The following CHCHD6 variants were observed in gnomAD, a reference collection of about 807,000 sequenced individuals.
CHCHD6 encodes coiled-coil-helix-coiled-coil-helix domain containing 6.
Under a neutral mutation model 32.3 loss-of-function variants are expected in CHCHD6, and 28 were observed. The ratio of observed to expected loss-of-function variants is 0.87; its 90% CI spans 0.64 to 1.19. The LOEUF is 1.19. Ranked by LOEUF, CHCHD6 falls within the 50% of genes most tolerant of loss-of-function variation. The pLI, the probability that CHCHD6 is intolerant of heterozygous loss-of-function variation, is 0.00. For missense variants in CHCHD6, 333 were observed against 307.0 expected, an observed-to-expected ratio of 1.08 and a Z score of -0.63; for synonymous variants, 122 against 117.5, an observed-to-expected ratio of 1.04 and a Z score of -0.25.
intron 6 of CHCHD6, 57 bp from the exon 7 acceptor site, chr3:126,957,359 C>G: frequency 1.3e-6 from 2 of 1,583,262 alleles, no homozygotes; most frequent in Non-Finnish European, 1.7e-6. Flanking sequence ...TGAGTTGTTT[C>G]TCTCCCCTGC....
intron 5 of CHCHD6, among the ~76,000 whole-genome samples, chr3:126,895,402 G>A (rs1010620475): frequency 1.9e-4 from 29 of 152,322 alleles, no homozygotes; most frequent in African/African-American, 6.5e-4. Flanking sequence ...CAGCAGCAGC[G>A]TCTGTGTCCA....
intron 5 of CHCHD6, among the ~76,000 whole-genome samples, chr3:126,876,629 T>C (rs2077542575): frequency 6.6e-6 from 1 of 152,250 alleles, no homozygotes; most frequent in Non-Finnish European, 1.5e-5. Context: ...AAATGTGTTA[T>C]CATTATCTCC....
Position 126,946,571 on chromosome 3 carries a change from C to T in CHCHD6, c.567-10845C>T, listed in dbSNP as rs951404730. On this transcript the variant is annotated intron_variant, in intron 6 of 7. Coordinates refer to ENST00000290913, the MANE Select transcript of CHCHD6 (RefSeq NM_032343.3). ...CCTGAGGGATGGGGCAGCTGGAGCCCGGCATCCTGCAGTTGATAGCAATCC... is the reference window on the plus strand; with the variant it reads ...CCTGAGGGATGGGGCAGCTGGAGCCTGGCATCCTGCAGTTGATAGCAATCC... Among the ~76,000 whole-genome samples the T allele has an allele frequency of 3.9e-5, 6 of 152,156 alleles. 1 individual carries two copies. Among genetic ancestry groups the T allele is most frequent in the African/African-American group, 9.7e-5 (4 of 41,424 alleles).
chr3:126,726,978 A>C (rs1262823514), intron 1 of CHCHD6, 100 bp from the exon 2 acceptor site: 1 of 790,188 alleles, frequency 1.3e-6, no homozygotes, highest in East Asian at 2.4e-5. Flanking sequence ...TTGAGGAAGC[A>C]GCGCATTCAG....
intron 4 of CHCHD6, among the ~76,000 whole-genome samples, chr3:126,796,154 G>A (rs906970750): frequency 3.3e-5 from 5 of 152,078 alleles, no homozygotes; most frequent in Non-Finnish European, 7.4e-5. Context: ...AGACGAGCCT[G>A]GGCACCATAG....
At chr3:126,705,245 A>G (rs529133172) in intron 1 of CHCHD6, among the ~76,000 whole-genome samples, 14 of 152,222 alleles carry the variant, frequency 9.2e-5, no homozygotes, top group Admixed American at 1.3e-4. Flanking sequence ...CATAGCACTC[A>G]TCACAGTGAT....
At chr3:126,928,200 G>A (rs2078352250) in intron 6 of CHCHD6, among the ~76,000 whole-genome samples, 1 of 152,248 alleles carries the variant, frequency 6.6e-6, no homozygotes, top group Non-Finnish European at 1.5e-5. Flanking sequence ...CTGGCATCTG[G>A]TTCTTATTGG....
chr3:126,715,219 T>A (rs1270656351), intron 1 of CHCHD6, among the ~76,000 whole-genome samples: 1 of 152,136 alleles, frequency 6.6e-6, no homozygotes, highest in African/African-American at 2.4e-5. Flanking sequence ...TGCCTTTACT[T>A]GTGCAGGGGT....
At chr3:126,716,057 C>A (rs1475794322) in intron 1 of CHCHD6, among the ~76,000 whole-genome samples, 1 of 152,190 alleles carries the variant, frequency 6.6e-6, no homozygotes, top group Admixed American at 6.5e-5. Flanking sequence ...GGTTTCCCTG[C>A]TACCAGCCCC....
At chr3:126,858,940 TTG>T (rs1941759715) in intron 5 of CHCHD6, among the ~76,000 whole-genome samples, 1 of 152,194 alleles carries the variant, frequency 6.6e-6, no homozygotes, top group Admixed American at 6.5e-5. Context: ...TGCTGCTCCG[TTG>T]TCTGTCCCCC....
intron 6 of CHCHD6, among the ~76,000 whole-genome samples, chr3:126,955,692 G>A (rs756844036): frequency 6.6e-6 from 1 of 152,212 alleles, no homozygotes; most frequent in Non-Finnish European, 1.5e-5. Flanking sequence ...GGTCTTGCTG[G>A]CCTTAGCTGA....
chr3:126,942,648 G>GCT (rs893372122), intron 6 of CHCHD6, among the ~76,000 whole-genome samples: 1 of 152,064 alleles, frequency 6.6e-6, no homozygotes, highest in Non-Finnish European at 1.5e-5. Flanking sequence ...AGGTGTTCAG[G>GCT]CTCATCTTGT....
intron 4 of CHCHD6, among the ~76,000 whole-genome samples, chr3:126,746,450 C>T (rs1176176369): frequency 6.6e-6 from 1 of 152,122 alleles, no homozygotes; most frequent in Non-Finnish European, 1.5e-5. Context: ...CCCTGCCTTG[C>T]CTTGGGCCTG....
chr3:126,705,267 A>G (rs962187458), intron 1 of CHCHD6, among the ~76,000 whole-genome samples: 6 of 152,184 alleles, frequency 3.9e-5, no homozygotes, highest in African/African-American at 7.2e-5. Flanking sequence ...GCTTCTGTTG[A>G]TAATTGTTTA....
chr3:126,903,647 C>T (rs1273880200), intron 5 of CHCHD6, among the ~76,000 whole-genome samples: 2 of 152,234 alleles, frequency 1.3e-5, no homozygotes, highest in African/African-American at 2.4e-5. Flanking sequence ...AGCACCAAGG[C>T]AGGGCTGGCT....
At chr3:126,817,876 A>G (rs1939975993) in intron 4 of CHCHD6, among the ~76,000 whole-genome samples, 1 of 151,974 alleles carries the variant, frequency 6.6e-6, no homozygotes, top group African/African-American at 2.4e-5. Flanking sequence ...TCTATTTGAA[A>G]TTCATTCTTT....
chr3:126,804,281 T>A (rs1201476308), intron 4 of CHCHD6, among the ~76,000 whole-genome samples: 1 of 152,034 alleles, frequency 6.6e-6, no homozygotes, highest in Non-Finnish European at 1.5e-5. Context: ...GGAGCTGGTT[T>A]TTTGAAAGGA....
intron 5 of CHCHD6, among the ~76,000 whole-genome samples, chr3:126,877,282 G>A (rs938850666): frequency 2.0e-5 from 3 of 152,124 alleles, no homozygotes; most frequent in East Asian, 1.9e-4. Flanking sequence ...ACGGCCGGGC[G>A]TGGTGGCTCG....
At chr3:126,746,771 A>G (rs1286906696) in intron 4 of CHCHD6, among the ~76,000 whole-genome samples, 1 of 152,174 alleles carries the variant, frequency 6.6e-6, no homozygotes, top group African/African-American at 2.4e-5. Flanking sequence ...AGAAATATGT[A>G]GGGCTGTTAA....
Sources: gnomAD v4.1 joint callset for allele counts (sites outside exome capture counted in the v4.1 genomes callset) on GRCh38, gnomAD v4.1.1 for gene constraint, MANE v1.5 for transcripts, NCBI Gene and HGNC (gene_info 2026-07-23, HGNC 2026-07-21) for gene names.